Variants in CALN1 observed in about 807,000 individuals in gnomAD.
The protein encoded by CALN1 is calcium-binding protein 8.
In CALN1, 17 loss-of-function variants were observed where a neutral mutation model predicts 30.6. That is an observed-to-expected ratio of 0.56 (90% CI 0.38 to 0.83). CALN1 has a LOEUF of 0.83. CALN1 is among the 40% of genes least tolerant of loss of function. CALN1 has a pLI of 0.00. For synonymous variants in CALN1, 156 were observed against 131.4 expected (o/e 1.19, Z -1.28); for missense variants, 291 against 354.9 (o/e 0.82, Z 1.45).
chr7:72,142,361 A>G (rs1316458424), intron 3 of CALN1, among the ~76,000 whole-genome samples: 4 of 152,188 alleles, frequency 2.6e-5, no homozygotes, highest in African/African-American at 9.6e-5. Flanking sequence ...ACACCCATGG[A>G]GCCTCACTCA....
chr7:71,869,035 A>G (rs1051545163), intron 5 of CALN1, among the ~76,000 whole-genome samples: 1 of 152,054 alleles, frequency 6.6e-6, no homozygotes, highest in Non-Finnish European at 1.5e-5. Context: ...TGGGTGAGGT[A>G]GCTATGTTCA....
chr7:71,997,749 G>A (rs1367318232), intron 5 of CALN1, among the ~76,000 whole-genome samples: 1 of 152,126 alleles, frequency 6.6e-6, no homozygotes, highest in Non-Finnish European at 1.5e-5. Flanking sequence ...TGAAATTATG[G>A]AGGCCAGAAG....
intron 5 of CALN1, among the ~76,000 whole-genome samples, chr7:71,951,593 TAACA>T (rs911618204): frequency 1.1e-4 from 16 of 151,968 alleles, no homozygotes; most frequent in African/African-American, 2.4e-4. Flanking sequence ...TCCATCTCAA[TAACA>T]AACAAACAAA....
the CALN1 span, among the ~76,000 whole-genome samples, chr7:72,496,940 G>A: frequency 1.3e-5 from 2 of 152,180 alleles, no homozygotes; most frequent in African/African-American, 2.4e-5. Flanking sequence ...AGAATTTGGA[G>A]CTGCCAGAGA....
chr7:72,406,034 G>C (rs186387365), intron 1 of CALN1, among the ~76,000 whole-genome samples: 87 of 152,316 alleles, frequency 5.7e-4, no homozygotes, highest in African/African-American at 2.0e-3. Context: ...GCAGCTCCCC[G>C]TAAGGAACAA....
chr7:71,971,992 AG>A (rs1436034466), intron 5 of CALN1, among the ~76,000 whole-genome samples: 1 of 130,038 alleles, frequency 7.7e-6, no homozygotes, highest in African/African-American at 3.0e-5. Context: ...AAAGAAAGAA[AG>A]AGAAAGAAAG....
chr7:72,130,693 A>G (rs964425761), intron 3 of CALN1, among the ~76,000 whole-genome samples: 1 of 152,142 alleles, frequency 6.6e-6, no homozygotes, highest in African/African-American at 2.4e-5. Flanking sequence ...TATGAGGGAC[A>G]CTTTCAGTAT....
chr7:72,164,374 A>G (rs1173386621), intron 3 of CALN1, among the ~76,000 whole-genome samples: 1 of 151,694 alleles, frequency 6.6e-6, no homozygotes, highest in Non-Finnish European at 1.5e-5. Flanking sequence ...AAAAAGAAGA[A>G]GAAGAAGACA....
intron 2 of CALN1, among the ~76,000 whole-genome samples, chr7:72,335,945 G>A (rs1369740644): frequency 1.3e-5 from 2 of 152,188 alleles, no homozygotes; most frequent in African/African-American, 4.8e-5. Flanking sequence ...TTCACTCCGC[G>A]CTGCGCTAGT....
intron 3 of CALN1, among the ~76,000 whole-genome samples, chr7:72,209,864 G>C (rs1319384154): frequency 2.0e-5 from 3 of 152,164 alleles, no homozygotes; most frequent in Non-Finnish European, 4.4e-5. Context: ...TCTTGACCTA[G>C]GGGCTGGTTA....
At chr7:72,436,245 G>A (rs1398828796) in intron 1 of CALN1, among the ~76,000 whole-genome samples, 1 of 152,214 alleles carries the variant, frequency 6.6e-6, no homozygotes. Flanking sequence ...GGGACCCCAT[G>A]GGAGGTAATT....
At chr7:72,294,800 T>C (rs1798741270) in intron 2 of CALN1, among the ~76,000 whole-genome samples, 1 of 148,026 alleles carries the variant, frequency 6.8e-6, no homozygotes, top group East Asian at 2.0e-4. Flanking sequence ...TTAAAAATGG[T>C]TGAAGTCTTT....
At chr7:71,840,471 T>G in intron 5 of CALN1, among the ~76,000 whole-genome samples, 1 of 115,830 alleles carries the variant, frequency 8.6e-6, no homozygotes, top group East Asian at 2.4e-4. Flanking sequence ...GGTGACACAG[T>G]AAGATGCTCT....
chr7:71,869,757 TC>T (rs1791810566), intron 5 of CALN1, among the ~76,000 whole-genome samples: 1 of 152,190 alleles, frequency 6.6e-6, no homozygotes, highest in African/African-American at 2.4e-5. Context: ...TACACTCTAC[TC>T]TCTGGGGTGA....
intron 4 of CALN1, among the ~76,000 whole-genome samples, chr7:72,074,829 T>C (rs762544683): frequency 1.1e-4 from 17 of 152,156 alleles, no homozygotes; most frequent in Admixed American, 2.0e-4. Context: ...ATGTCTACCA[T>C]GTGTAGGACA....
At chr7:72,345,091 T>C (rs1261867660) in intron 2 of CALN1, among the ~76,000 whole-genome samples, 3 of 148,718 alleles carry the variant, frequency 2.0e-5, no homozygotes, top group Non-Finnish European at 4.5e-5. Context: ...TAATTATACA[T>C]GTTATATAAT....
intron 3 of CALN1, among the ~76,000 whole-genome samples, chr7:72,141,506 C>T (rs1297270706): frequency 2.6e-5 from 4 of 152,030 alleles, no homozygotes; most frequent in Admixed American, 1.3e-4. Context: ...GGCCTATGCA[C>T]GTGTCCCAAA....
rs1326310996 is a variant in CALN1 at position 71,781,083 on chromosome 7, T to G, written c.*6692A>C. 1 of 152,182 alleles carries G rather than the reference T, an allele frequency of 6.6e-6. No individual in the cohort carries two copies. Among genetic ancestry groups the G allele is most frequent in the African/African-American group, 2.4e-5 (1 of 41,446 alleles). 9.4% of individuals were successfully genotyped at this position (152,182 alleles called of 1,614,324 possible). The stretch of plus-strand genomic sequence containing the variant: ...TTGGGACTTGTGTTCAAAAAGGAGC[T>G]CCCAGTTCCTAGTGCAATTCATGGG... On this transcript the variant is annotated 3_prime_UTR_variant, in exon 7 of 7. Coordinates refer to ENST00000395275, the MANE Select transcript of CALN1 (RefSeq NM_031468.4).
chr7:72,362,566 GATA>G (rs1803634007), intron 2 of CALN1, among the ~76,000 whole-genome samples: 2 of 152,270 alleles, frequency 1.3e-5, no homozygotes, highest in Middle Eastern at 6.8e-3. Context: ...TTCTTTCACA[GATA>G]ATGATTCTCC....
Sources: allele counts gnomAD v4.1 joint callset (sites outside exome capture counted in the v4.1 genomes callset), GRCh38; gene constraint gnomAD v4.1.1; transcripts MANE v1.5; gene names NCBI Gene and HGNC (gene_info 2026-07-23, HGNC 2026-07-21).